ADGRG4: variants seen among roughly 807,000 people sequenced by gnomAD.
ADGRG4 encodes the protein adhesion G protein-coupled receptor G4.
A neutral mutation model predicts 126.2 loss-of-function variants in ADGRG4; 122 were observed. The observed-to-expected ratio is 0.97, with a 90% confidence interval of 0.83 to 1.12. The LOEUF (loss-of-function observed/expected upper bound fraction) is 1.12, where lower values mean the gene tolerates loss of function less well. Among genes scored for constraint, ADGRG4 ranks in the 50% most tolerant of loss-of-function variants. The pLI is 0.00. For synonymous variants in ADGRG4, 943 were observed against 838.7 expected (o/e 1.12, Z -2.15); for missense variants, 2,481 against 2,251.8 (o/e 1.10, Z -2.06).
chrX:136,316,349 G>A (rs1270322199), intron 4 of ADGRG4, among the ~76,000 whole-genome samples: 1 of 110,166 alleles, frequency 9.1e-6, no homozygotes, highest in Admixed American at 9.6e-5. Context: ...TATGTCTGAT[G>A]TTACTTAATG....
At chrX:136,366,770 A>G (rs925906803) in intron 13 of ADGRG4, among the ~76,000 whole-genome samples, 1 of 111,885 alleles carries the variant, frequency 8.9e-6, no homozygotes, top group Non-Finnish European at 1.9e-5. Context: ...TTAATTTGCA[A>G]TTCCTTAATG....
chrX:136,407,224 T>A (rs1299385508), intron 23 of ADGRG4, among the ~76,000 whole-genome samples: 1 of 110,829 alleles, frequency 9.0e-6, no homozygotes, highest in Non-Finnish European at 1.9e-5. Context: ...TACCATGGGA[T>A]GCTCCCACAA....
At chrX:136,369,961 A>G (rs1457007947) in intron 13 of ADGRG4, among the ~76,000 whole-genome samples, 1 of 110,252 alleles carries the variant, frequency 9.1e-6, no homozygotes, top group Non-Finnish European at 1.9e-5. Context: ...TGTTTGCAGG[A>G]AAAAAAAAGA....
At chrX:136,389,856 T>C (rs1216436082) in intron 16 of ADGRG4, among the ~76,000 whole-genome samples, 1 of 112,038 alleles carries the variant, frequency 8.9e-6, no homozygotes, top group Non-Finnish European at 1.9e-5. Flanking sequence ...TGTTCTAACA[T>C]TAAAGGGGTG....
intron 3 of ADGRG4, among the ~76,000 whole-genome samples, chrX:136,308,567 G>A (rs929238593): frequency 8.9e-6 from 1 of 112,183 alleles, no homozygotes; most frequent in African/African-American, 3.2e-5. Context: ...TATTGAGCTA[G>A]TATATAGATA....
chrX:136,304,870 G>A lies in ADGRG4; in HGVS notation c.-163G>A, dbSNP rs1439481101. 1 of 112,396 alleles carries A rather than the reference G, an allele frequency of 8.9e-6. No individual in the cohort carries two copies. Among genetic ancestry groups the A allele is most frequent in the Non-Finnish European group, 1.9e-5 (1 of 53,294 alleles). 9.3% of individuals were successfully genotyped at this position (112,396 alleles called of 1,213,427 possible). A position where few individuals can be genotyped will look rare whatever the true frequency, so the allele number is the denominator to read the frequency against. On this transcript the variant is annotated 5_prime_UTR_variant, in exon 3 of 26. Coordinates refer to ENST00000394143, the MANE Select transcript of ADGRG4 (RefSeq NM_153834.4). ...CTTCTTGTAGGCTGTGTGACCCCAC[G>A]TTGGGGACAGGTCACAAAACCTAAG... is the stretch of plus-strand genomic sequence containing the variant.
chrX:136,382,518 A>G (rs755008829), intron 15 of ADGRG4, among the ~76,000 whole-genome samples: 6 of 111,315 alleles, frequency 5.4e-5, no homozygotes, highest in African/African-American at 1.6e-4. Context: ...TTCAGCAAGC[A>G]CCTCTGCAGG....
At chrX:136,379,308 A>T (rs894069867) in intron 15 of ADGRG4, among the ~76,000 whole-genome samples, 23 of 111,612 alleles carry the variant, frequency 2.1e-4, no homozygotes, top group African/African-American at 6.5e-4. Flanking sequence ...TGTAGGATTT[A>T]TAGCAGGAGT....
intron 20 of ADGRG4, among the ~76,000 whole-genome samples, chrX:136,398,412 G>A (rs2075362197): frequency 8.9e-6 from 1 of 111,857 alleles, no homozygotes; most frequent in Non-Finnish European, 1.9e-5. Context: ...AAATCAAAAA[G>A]CAAAAGACAA....
intron 15 of ADGRG4, among the ~76,000 whole-genome samples, chrX:136,381,434 T>C (rs2075263550): frequency 9.0e-6 from 1 of 110,771 alleles, no homozygotes; most frequent in Admixed American, 9.7e-5. Flanking sequence ...AAAACATTGT[T>C]TGTAAAGATG....
chrX:136,334,643 A>G (rs1454427665), intron 5 of ADGRG4, among the ~76,000 whole-genome samples: 1 of 112,432 alleles, frequency 8.9e-6, no homozygotes, highest in East Asian at 2.8e-4. Context: ...TTTGTGATAC[A>G]CATGCTTTGT....
chrX:136,383,378 T>C (rs1163216609), intron 15 of ADGRG4, among the ~76,000 whole-genome samples: 1 of 112,095 alleles, frequency 8.9e-6, no homozygotes, highest in African/African-American at 3.2e-5. Flanking sequence ...ATCCTACCCC[T>C]AAACATATTT....
At chrX:136,387,312 C>A (rs2075297064) in intron 15 of ADGRG4, among the ~76,000 whole-genome samples, 1 of 112,326 alleles carries the variant, frequency 8.9e-6, no homozygotes, top group African/African-American at 3.2e-5. Context: ...AGGAAAGTGC[C>A]TAATATCATT....
At chrX:136,310,051 T>C (rs2074758071) in intron 4 of ADGRG4, among the ~76,000 whole-genome samples, 2 of 111,399 alleles carry the variant, frequency 1.8e-5, no homozygotes, top group South Asian at 3.8e-4. Context: ...GGGAATCTAG[T>C]GTAGTCATGG....
chrX:136,405,724 T>A lies in ADGRG4; in HGVS notation c.8687T>A (p.Ile2896Asn). The A allele has an allele frequency of 1.7e-6, 2 of 1,189,767 alleles. No homozygotes were observed. Among genetic ancestry groups the A allele is most frequent in the Non-Finnish European group, 1.1e-6 (1 of 881,153 alleles). ...CWIKDDSIFY[I>N]SVVAYFCLIF... ...ATTAAAGATGATTCTATCTTTTACA[T>A]CTCAGTGGTGGCTTATTTTTGCCTC... Residue 2896 changes from isoleucine (I) to asparagine (N), a missense_variant, in exon 23 of 26, where the codon ATC (isoleucine) becomes AAC (asparagine). Coordinates refer to ENST00000394143, the MANE Select transcript of ADGRG4 (RefSeq NM_153834.4).
chrX:136,348,532 A>G lies in ADGRG4; in HGVS notation c.4826A>G (p.Asp1609Gly). 2 of 1,207,531 alleles carry G rather than the reference A, an allele frequency of 1.7e-6. No individual in the cohort carries two copies. The highest frequency in any genetic ancestry group is 2.2e-6 in the Non-Finnish European group (2 of 892,061). ...TTMTMQTSTL[D>G]VTPVIYAGAT... ...ATGACCATGCAAACATCTACATTGG[A>G]TGTCACACCTGTGATATATGCTGGG... The change falls in exon 6 of 26, where the codon GAT becomes GGT. Residue 1609 changes from aspartate to glycine, a missense_variant. Transcript: ENST00000394143.
At position 136,346,867 on chromosome X, in the gene ADGRG4, T is replaced by G. The variant is rs2075021090; in HGVS notation, c.3161T>G (p.Leu1054Arg). Residue 1054 changes from leucine (L) to arginine (R), a missense_variant, in exon 6 of 26, where the codon CTA (leucine) becomes CGA (arginine). Transcript: ENST00000394143. ...STSVLSDVSN[L>R]SSTTMTTALV... ...TCTGTGCTCTCAGATGTCTCAAATC[T>G]ATCCTCAACTACAATGACCACAGCA... 1 of 1,208,578 alleles carries G rather than the reference T, an allele frequency of 8.3e-7. No homozygotes were observed. Among genetic ancestry groups the G allele is most frequent in the Admixed American group, 2.2e-5 (1 of 45,703 alleles).
intron 5 of ADGRG4, among the ~76,000 whole-genome samples, chrX:136,327,784 C>T (rs1192118340): frequency 9.0e-6 from 1 of 110,565 alleles, no homozygotes; most frequent in African/African-American, 3.3e-5. Flanking sequence ...CAGTAAAAGC[C>T]TATAAGCTGT....
intron 15 of ADGRG4, among the ~76,000 whole-genome samples, chrX:136,380,969 C>T (rs191080710): frequency 1.8e-5 from 2 of 110,153 alleles, no homozygotes; most frequent in East Asian, 5.7e-4. Context: ...CCTCCTGCCT[C>T]AGCCTCCCAA....
Sources: gnomAD v4.1 joint callset for allele counts (sites outside exome capture counted in the v4.1 genomes callset) on GRCh38, gnomAD v4.1.1 for gene constraint, MANE v1.5 for transcripts, NCBI Gene and HGNC (gene_info 2026-07-23, HGNC 2026-07-21) for gene names.